The following EGFR variants were observed in gnomAD, a reference collection of about 807,000 sequenced individuals.
EGFR encodes the protein avian erythroblastic leukemia viral (v-erb-b) oncogene homolog.
In EGFR, 58 loss-of-function variants were observed where a neutral mutation model predicts 143.0. The observed-to-expected ratio is 0.41, with a 90% CI of 0.33 to 0.50. The LOEUF (loss-of-function observed/expected upper bound fraction) is 0.50. Among genes scored for constraint, EGFR ranks in the 20% least tolerant of loss-of-function variants. The probability of loss-of-function intolerance (pLI) is 0.39; values close to 1 mark genes in which losing one functional copy is unlikely to be tolerated. For synonymous variants in EGFR, 613 were observed against 594.4 expected (o/e 1.03, Z -0.45); for missense variants, 1,307 against 1,579.0 (o/e 0.83, Z 2.92).
At chr7:55,144,637 C>T (rs148369355) in intron 3 of EGFR, among the ~76,000 whole-genome samples, 3 of 152,304 alleles carry the variant, frequency 2.0e-5, no homozygotes, top group African/African-American at 4.8e-5. Flanking sequence ...TTCCCCCACA[C>T]CCCTTGCTGC....
chr7:55,056,519 G>C (rs113613419), intron 1 of EGFR, among the ~76,000 whole-genome samples: 1 of 152,160 alleles, frequency 6.6e-6, no homozygotes, highest in Non-Finnish European at 1.5e-5. Flanking sequence ...TTAGAATTCT[G>C]CATGGTGGCT....
At chr7:55,119,061 G>A (rs188728563) in intron 1 of EGFR, 19 of 152,298 alleles carry the variant, frequency 1.2e-4, no homozygotes, top group African/African-American at 3.4e-4. Context: ...TACAGTTCAA[G>A]TGCCATTCAA....
At chr7:55,128,644 T>C (rs187427517) in intron 1 of EGFR, among the ~76,000 whole-genome samples, 1 of 152,354 alleles carries the variant, frequency 6.6e-6, no homozygotes, top group African/African-American at 2.4e-5. Context: ...TTGTCTAGTA[T>C]TCTAGAAGAC....
chr7:55,164,932 C>G (rs1315600377), intron 14 of EGFR, among the ~76,000 whole-genome samples: 6 of 152,162 alleles, frequency 3.9e-5, no homozygotes, highest in African/African-American at 9.7e-5. Context: ...CTATAATATG[C>G]AAGAAAGACT....
At chr7:55,051,906 G>A (rs1212060075) in intron 1 of EGFR, among the ~76,000 whole-genome samples, 1 of 152,192 alleles carries the variant, frequency 6.6e-6, no homozygotes, top group Non-Finnish European at 1.5e-5. Context: ...TTAGTTGTAG[G>A]TTCCTTCTCA....
At chr7:55,142,493 A>C (rs2128926561) in intron 2 of EGFR, 56 bp downstream of exon 2, 1 of 1,601,766 alleles carries the variant, frequency 6.2e-7, no homozygotes, top group Middle Eastern at 1.7e-4. Context: ...TAAGTGGAGA[A>C]AGGCCTGGGC....
intron 1 of EGFR, among the ~76,000 whole-genome samples, chr7:55,056,023 C>T (rs1484421961): frequency 6.6e-6 from 1 of 152,072 alleles, no homozygotes; most frequent in Non-Finnish European, 1.5e-5. Flanking sequence ...TGCATTTGCT[C>T]TGTGATTCAT....
intron 20 of EGFR, among the ~76,000 whole-genome samples, chr7:55,189,544 C>T (rs1027290674): frequency 1.3e-5 from 2 of 152,168 alleles, no homozygotes; most frequent in East Asian, 1.9e-4. Context: ...GGTGGTGAAA[C>T]GAAGCTGGGA....
At chr7:55,051,209 G>A (rs7792218) in intron 1 of EGFR, among the ~76,000 whole-genome samples, 6,584 of 152,282 alleles carry the variant, frequency 0.043, 271 homozygotes, top group South Asian at 0.13. Context: ...GACATGTGTG[G>A]CAGGCATGGC....
chr7:55,202,781 G>A, intron 27 of EGFR, 156 bp downstream of exon 27: 2 of 737,814 alleles, frequency 2.7e-6, no homozygotes, highest in Non-Finnish European at 4.9e-6. Flanking sequence ...GTAAGGAGCA[G>A]ATAAACACAT....
chr7:55,055,239 G>A (rs532883054), intron 1 of EGFR, among the ~76,000 whole-genome samples: 3 of 152,224 alleles, frequency 2.0e-5, no homozygotes, highest in South Asian at 2.1e-4. Context: ...AACCTCAGCC[G>A]CACATTGAGA....
chr7:55,028,196 C>G (rs904182387), intron 1 of EGFR, among the ~76,000 whole-genome samples: 1 of 151,812 alleles, frequency 6.6e-6, no homozygotes, highest in Non-Finnish European at 1.5e-5. Context: ...TTTAGCAGTC[C>G]TATCGTTTTA....
At chr7:55,050,059 T>C (rs780119967) in intron 1 of EGFR, among the ~76,000 whole-genome samples, 4 of 152,206 alleles carry the variant, frequency 2.6e-5, no homozygotes, top group Non-Finnish European at 4.4e-5. Context: ...TCTCTCTTTT[T>C]GAAAATATTT....
intron 3 of EGFR, among the ~76,000 whole-genome samples, chr7:55,144,270 C>T (rs1045558539): frequency 6.6e-6 from 1 of 152,202 alleles, no homozygotes; most frequent in Non-Finnish European, 1.5e-5. Context: ...ATATTGCCTT[C>T]ACACCATGGC....
At chr7:55,020,737 C>T (rs1583841700) in intron 1 of EGFR, among the ~76,000 whole-genome samples, 1 of 152,144 alleles carries the variant, frequency 6.6e-6, no homozygotes, top group South Asian at 2.1e-4. Flanking sequence ...CCTTGAGCTG[C>T]GCGGGTTCCA....
At chr7:55,204,458 ACACACACAAATACACACAC>A (rs1395208752) in intron 27 of EGFR, among the ~76,000 whole-genome samples, 2 of 146,250 alleles carry the variant, frequency 1.4e-5, no homozygotes, top group Non-Finnish European at 3.0e-5. Context: ...TATACACACA[ACACACACAAATACACACAC>A]CACACACACA....
In EGFR at chr7:55,120,668, C is replaced by T. The variant is rs531377764; in HGVS notation, c.89-21618C>T. Among the ~76,000 whole-genome samples the T allele has an allele frequency of 4.3e-4, 66 of 152,290 alleles. 1 individual carries two copies. The highest frequency in any genetic ancestry group is 1.5e-3 in the African/African-American group (62 of 41,558). On this transcript the variant is annotated intron_variant, in intron 1 of 27. Transcript: ENST00000275493. The stretch of plus-strand genomic sequence containing the variant: ...GCACACACAGGGCCTGGCACACATC[C>T]GGGGCTCAGTGAGCACTTGCTGAAT...
At chr7:55,039,280 T>C (rs1562659973) in intron 1 of EGFR, among the ~76,000 whole-genome samples, 1 of 152,154 alleles carries the variant, frequency 6.6e-6, no homozygotes, top group Non-Finnish European at 1.5e-5. Context: ...TTGGTTGACA[T>C]TTGGGGAGCA....
chr7:55,064,211 T>C (rs556346966), intron 1 of EGFR, among the ~76,000 whole-genome samples: 4 of 152,368 alleles, frequency 2.6e-5, no homozygotes, highest in Admixed American at 2.6e-4. Context: ...ATAGGTTGTA[T>C]GTAGTATCCA....
Sources: allele counts gnomAD v4.1 joint callset (sites outside exome capture counted in the v4.1 genomes callset), GRCh38; gene constraint gnomAD v4.1.1; transcripts MANE v1.5; gene names NCBI Gene and HGNC (gene_info 2026-07-23, HGNC 2026-07-21).